CRYL1: variants seen among roughly 807,000 people sequenced by gnomAD.
CRYL1 encodes crystallin lambda 1, also known as lambda-crystallin homolog.
CRYL1 carries 29 observed loss-of-function variants against 36.6 expected under a neutral mutation model. That is an observed-to-expected ratio of 0.79 (90% CI 0.59 to 1.08). CRYL1 has a LOEUF of 1.08. CRYL1 is among the 50% of genes least tolerant of loss of function. CRYL1 has a pLI of 0.00. For synonymous variants in CRYL1, 152 were observed against 151.5 expected (o/e 1.00, Z -0.02); for missense variants, 411 against 407.9 (o/e 1.01, Z -0.06).
chr13:20,426,915 A>G, intron 5 of CRYL1: 1 of 985,590 alleles, frequency 1.0e-6, no homozygotes, highest in South Asian at 4.7e-5. Flanking sequence ...AGTCCAGCAC[A>G]GGGATGACAT....
At chr13:20,482,247 A>T (rs911060468) in intron 3 of CRYL1, among the ~76,000 whole-genome samples, 3 of 152,200 alleles carry the variant, frequency 2.0e-5, no homozygotes, top group African/African-American at 7.2e-5. Context: ...CATAGACAAT[A>T]TCCATTTAAC....
chr13:20,494,396 C>A (rs1047075340), intron 2 of CRYL1, among the ~76,000 whole-genome samples: 2 of 152,212 alleles, frequency 1.3e-5, no homozygotes, highest in Non-Finnish European at 1.5e-5. Flanking sequence ...GAACTAACCA[C>A]CGCCAATCCT....
chr13:20,430,397 G>A (rs990821499), intron 5 of CRYL1: 28 of 985,296 alleles, frequency 2.8e-5, no homozygotes, highest in Non-Finnish European at 3.3e-5. Context: ...CACTTTCTCA[G>A]GAGGTATGTC....
chr13:20,470,520 A>G (rs150739838), intron 3 of CRYL1, among the ~76,000 whole-genome samples: 304 of 152,338 alleles, frequency 2.0e-3, no homozygotes, highest in Middle Eastern at 6.8e-3. Flanking sequence ...CCCTAACAAC[A>G]GATGAGAACA....
chr13:20,456,369 A>G (rs1422247038), intron 3 of CRYL1, among the ~76,000 whole-genome samples: 1 of 151,204 alleles, frequency 6.6e-6, no homozygotes, highest in Non-Finnish European at 1.5e-5. Flanking sequence ...GCTACTCAAG[A>G]GGCTGAGGCA....
chr13:20,412,412 T>A (rs2031548241), intron 6 of CRYL1, among the ~76,000 whole-genome samples: 1 of 152,190 alleles, frequency 6.6e-6, no homozygotes, highest in African/African-American at 2.4e-5. Context: ...TTAGTAATGT[T>A]ATTAATCTAT....
At chr13:20,444,409 T>C (rs114081594) in intron 3 of CRYL1, among the ~76,000 whole-genome samples, 2,526 of 152,254 alleles carry the variant, frequency 0.017, 67 homozygotes, top group African/African-American at 0.058. Flanking sequence ...TGTGACTTCC[T>C]GGGGCTTAGG....
At chr13:20,459,096 C>T (rs957511873) in intron 3 of CRYL1, among the ~76,000 whole-genome samples, 29 of 151,900 alleles carry the variant, frequency 1.9e-4, no homozygotes, top group Non-Finnish European at 3.4e-4. Context: ...ATTAGCTGGG[C>T]GTGGTGGCGG....
chr13:20,500,427 A>T (rs1471174096), intron 2 of CRYL1, among the ~76,000 whole-genome samples: 1 of 152,042 alleles, frequency 6.6e-6, no homozygotes, highest in Non-Finnish European at 1.5e-5. Context: ...CAGTTGAAGG[A>T]ACTGGTTGTT....
intron 5 of CRYL1, among the ~76,000 whole-genome samples, chr13:20,426,369 C>T (rs986766529): frequency 6.6e-6 from 1 of 151,842 alleles, no homozygotes; most frequent in African/African-American, 2.4e-5. Flanking sequence ...TCAGCTTCCT[C>T]GGTAGCTGGG....
intron 1 of CRYL1, among the ~76,000 whole-genome samples, chr13:20,521,565 G>A (rs2034098988): frequency 6.6e-6 from 1 of 152,110 alleles, no homozygotes; most frequent in South Asian, 2.1e-4. Context: ...CCTCAAAATG[G>A]GAGCCAGCGA....
At position 20,413,304 on chromosome 13, in the gene CRYL1, T is replaced by C. The variant is rs1309817171; in HGVS notation, c.717A>G (p.Glu239=). Residue 239 remains glutamate, a synonymous_variant, in exon 6 of 8, where the codon GAA becomes GAG. Coordinates refer to ENST00000298248, the MANE Select transcript of CRYL1 (RefSeq NM_015974.3). Reference sequence around the variant, plus strand: ...TACCTTCTGCATTGAGATGCATGGTTTCCAGGGGTCCAATGAATGCATACC... The same window carrying C: ...TACCTTCTGCATTGAGATGCATGGTCTCCAGGGGTCCAATGAATGCATACC... ...GMRYAFIGPL[E]TMHLNAEGML... 1.2e-6 allele frequency: 2 copies of C among 1,613,072 alleles called. No homozygotes were observed. Among genetic ancestry groups the C allele is most frequent in the African/African-American group, 1.3e-5 (1 of 75,032 alleles).
chr13:20,520,423 G>C (rs536825242), intron 1 of CRYL1, among the ~76,000 whole-genome samples: 14 of 152,284 alleles, frequency 9.2e-5, no homozygotes, highest in African/African-American at 3.4e-4. Flanking sequence ...CCATGGCTTG[G>C]GTCTTACCCC....
chr13:20,452,485 A>G (rs1028291977), intron 3 of CRYL1, among the ~76,000 whole-genome samples: 1 of 152,198 alleles, frequency 6.6e-6, no homozygotes, highest in African/African-American at 2.4e-5. Flanking sequence ...TTTTCCAAGA[A>G]GATACAACAA....
intron 3 of CRYL1, among the ~76,000 whole-genome samples, chr13:20,462,211 G>T (rs2032845018): frequency 6.7e-6 from 1 of 149,736 alleles, no homozygotes; most frequent in Admixed American, 6.6e-5. Flanking sequence ...GGAGGAGGGG[G>T]CAGGAGGAGG....
intron 2 of CRYL1, among the ~76,000 whole-genome samples, chr13:20,499,568 G>T (rs2033668922): frequency 6.6e-6 from 1 of 151,412 alleles, no homozygotes; most frequent in Non-Finnish European, 1.5e-5. Context: ...CAGGAGAGTG[G>T]CGTGAACCCG....
chr13:20,404,340 CTT>C, intron 7 of CRYL1, 98 bp from the exon 8 acceptor site: 1 of 796,334 alleles, frequency 1.3e-6, no homozygotes, highest in South Asian at 1.6e-5. Flanking sequence ...GCAGAAACTG[CTT>C]TCAAAGACAA....
chr13:20,444,386 C>T (rs937570176), intron 3 of CRYL1, among the ~76,000 whole-genome samples: 5 of 152,068 alleles, frequency 3.3e-5, no homozygotes, highest in African/African-American at 1.2e-4. Flanking sequence ...TCAGTGTAGA[C>T]TGAGTTTAAG....
chr13:20,521,139 AAGGAAGAAAGG>A (rs1322927033), intron 1 of CRYL1, among the ~76,000 whole-genome samples: 664 of 29,238 alleles, frequency 0.023, 25 homozygotes, highest in South Asian at 0.063. Context: ...AGAAAGAAAG[AAGGAAGAAAGG>A]AAGGAAGGAA....
Sources: gnomAD v4.1 joint callset for allele counts (sites outside exome capture counted in the v4.1 genomes callset) on GRCh38, gnomAD v4.1.1 for gene constraint, MANE v1.5 for transcripts, NCBI Gene and HGNC (gene_info 2026-07-23, HGNC 2026-07-21) for gene names.